Variants in MPP7 observed in about 807,000 individuals in gnomAD.
MPP7 encodes the protein MAGUK p55 scaffold protein 7.
In MPP7, 60 loss-of-function variants were observed where a neutral mutation model predicts 76.5. That is an observed-to-expected ratio of 0.78 (90% CI 0.64 to 0.97). The LOEUF (loss-of-function observed/expected upper bound fraction) is 0.97. Ranked by LOEUF, MPP7 falls within the 50% of genes least tolerant of loss-of-function variation. The pLI is 0.00. For missense variants in MPP7, 641 were observed against 694.0 expected, an observed-to-expected ratio of 0.92 and a Z score of 0.86; for synonymous variants, 237 against 244.5, an observed-to-expected ratio of 0.97 and a Z score of 0.29.
chr10:28,290,160 T>TA (rs1564760534), intron 1 of MPP7, among the ~76,000 whole-genome samples: 1 of 152,134 alleles, frequency 6.6e-6, no homozygotes, highest in Non-Finnish European at 1.5e-5. Flanking sequence ...TATTGATACA[T>TA]ACAGTACATA....
chr10:28,308,378 C>T (rs1841271107), intron 2 of MPP7, among the ~76,000 whole-genome samples: 1 of 152,208 alleles, frequency 6.6e-6, no homozygotes, highest in South Asian at 2.1e-4. Flanking sequence ...AAGTTGCCTT[C>T]ATGGTCTGCC....
chr10:28,289,701 T>G (rs924882312), intron 1 of MPP7, among the ~76,000 whole-genome samples: 1 of 152,182 alleles, frequency 6.6e-6, no homozygotes, highest in African/African-American at 2.4e-5. Context: ...CACTCTGGGC[T>G]TTGGGTGGAG....
intron 11 of MPP7, among the ~76,000 whole-genome samples, chr10:28,090,604 C>T (rs1187944500): frequency 6.6e-6 from 1 of 152,180 alleles, no homozygotes; most frequent in Non-Finnish European, 1.5e-5. Context: ...AACCTCACAA[C>T]GTACCCATGG....
Position 28,069,760 on chromosome 10 carries a change from C to T in MPP7, c.1204+12G>A, listed in dbSNP as rs747422538. ...GTGTAGTCATAGGAACACTGAGTAGCGCAGAACTCACGGGGCACTGTCACG... is the reference window on the plus strand; with the variant it reads ...GTGTAGTCATAGGAACACTGAGTAGTGCAGAACTCACGGGGCACTGTCACG... On this transcript the variant is annotated intron_variant, in intron 13 of 16. Transcript: ENST00000683449. 2.6e-5 allele frequency: 42 copies of T among 1,607,580 alleles called. No individual in the cohort carries two copies. In the South Asian group the frequency reaches 2.9e-4, roughly 11 times the overall value.
At chr10:28,062,768 T>G (rs1851844812) in intron 13 of MPP7, among the ~76,000 whole-genome samples, 1 of 152,144 alleles carries the variant, frequency 6.6e-6, no homozygotes, top group South Asian at 2.1e-4. Context: ...AACGTTATAT[T>G]AATGGTAAAG....
At chr10:28,187,245 A>G (rs894833106) in intron 3 of MPP7, among the ~76,000 whole-genome samples, 1 of 152,232 alleles carries the variant, frequency 6.6e-6, no homozygotes, top group Non-Finnish European at 1.5e-5. Flanking sequence ...CTCTCAAGGA[A>G]ATCTCTGAAA....
At chr10:28,211,161 C>T (rs1295741470) in intron 2 of MPP7, among the ~76,000 whole-genome samples, 4 of 151,934 alleles carry the variant, frequency 2.6e-5, no homozygotes, top group South Asian at 4.2e-4. Context: ...TGCAGTGGCA[C>T]GGTCACAGCT....
intron 6 of MPP7, among the ~76,000 whole-genome samples, chr10:28,130,747 T>C (rs1184672212): frequency 1.3e-5 from 2 of 152,230 alleles, no homozygotes; most frequent in African/African-American, 4.8e-5. Flanking sequence ...TTGTTGAAAG[T>C]ATTTTCTATT....
chr10:28,325,320 G>A (rs1470282195), intron 2 of MPP7, among the ~76,000 whole-genome samples: 1 of 152,060 alleles, frequency 6.6e-6, no homozygotes, highest in Non-Finnish European at 1.5e-5. Context: ...TGTAATAGCA[G>A]ATATCTAGGG....
chr10:28,320,836 T>G (rs529992434), intron 2 of MPP7, among the ~76,000 whole-genome samples: 2 of 152,080 alleles, frequency 1.3e-5, no homozygotes, highest in East Asian at 1.9e-4. Context: ...TTGTTTGTTT[T>G]TTTTTTGTTC....
At chr10:28,236,885 T>C (rs1007150461) in intron 2 of MPP7, 8 of 152,138 alleles carry the variant, frequency 5.3e-5, no homozygotes, top group African/African-American at 7.2e-5. Context: ...GCATACGCCG[T>C]ACTTTGCGGC....
At chr10:28,271,897 C>G (rs144424894) in intron 1 of MPP7, among the ~76,000 whole-genome samples, 2,129 of 152,236 alleles carry the variant, frequency 0.014, 50 homozygotes, top group African/African-American at 0.048. Context: ...ATCACTTGAA[C>G]CTGGGAGGCA....
At chr10:28,063,660 C>T (rs974793401) in intron 13 of MPP7, among the ~76,000 whole-genome samples, 1 of 151,970 alleles carries the variant, frequency 6.6e-6, no homozygotes, top group African/African-American at 2.4e-5. Flanking sequence ...GTGCACAAAC[C>T]GAATTGTGGA....
intron 3 of MPP7, among the ~76,000 whole-genome samples, chr10:28,159,299 A>G (rs1397643954): frequency 6.6e-6 from 1 of 152,174 alleles, no homozygotes; most frequent in African/African-American, 2.4e-5. Context: ...TAGTTTCTTA[A>G]AATTCACTGA....
chr10:28,334,315 A>C (rs1252309605), intron 1 of MPP7: 7 of 152,218 alleles, frequency 4.6e-5, no homozygotes, highest in Non-Finnish European at 8.8e-5. Context: ...GCAGAATAAA[A>C]GTAATCATTT....
intron 1 of MPP7, among the ~76,000 whole-genome samples, chr10:28,253,568 T>C (rs1184609443): frequency 4.6e-5 from 7 of 152,190 alleles, no homozygotes; most frequent in African/African-American, 1.7e-4. Flanking sequence ...TTTACTAATA[T>C]ATTTCCTTAT....
At chr10:28,197,323 C>G (rs1234795804) in intron 3 of MPP7, among the ~76,000 whole-genome samples, 1 of 151,756 alleles carries the variant, frequency 6.6e-6, no homozygotes, top group African/African-American at 2.4e-5. Flanking sequence ...GCTGGGATTA[C>G]AAGAATGTGC....
At chr10:28,263,234 G>A (rs564742432) in intron 1 of MPP7, among the ~76,000 whole-genome samples, 3 of 152,174 alleles carry the variant, frequency 2.0e-5, no homozygotes, top group East Asian at 3.9e-4. Context: ...ATCTAAATAC[G>A]CTGAGTGAAA....
At chr10:28,129,757 C>G (rs548100617) in intron 6 of MPP7, among the ~76,000 whole-genome samples, 46 of 152,176 alleles carry the variant, frequency 3.0e-4, no homozygotes, top group African/African-American at 9.9e-4. Flanking sequence ...TTTTTAAAAT[C>G]AAGATTCCCA....
Sources: allele counts gnomAD v4.1 joint callset (sites outside exome capture counted in the v4.1 genomes callset), GRCh38; gene constraint gnomAD v4.1.1; transcripts MANE v1.5; gene names NCBI Gene and HGNC (gene_info 2026-07-23, HGNC 2026-07-21).